Variants in NUS1 observed in about 807,000 individuals in gnomAD.
The protein encoded by NUS1 is dehydrodolichyl diphosphate synthase complex subunit NUS1.
For synonymous variants in NUS1, 135 were observed against 155.2 expected, an observed-to-expected ratio of 0.87 and a Z score of 0.97; for missense variants, 292 against 382.9, an observed-to-expected ratio of 0.76 and a Z score of 1.98.
intron 3 of NUS1, among the ~76,000 whole-genome samples, chr6:117,698,047 C>A (rs1337447609): frequency 6.6e-6 from 1 of 151,840 alleles, no homozygotes; most frequent in Non-Finnish European, 1.5e-5. Flanking sequence ...CAGTATGCTC[C>A]TGGATTACCA....
rs41291930 is a variant in NUS1, at chr6:117,703,503, C to T, written c.692-102C>T. On this transcript the variant is annotated intron_variant, in intron 3 of 4. Coordinates refer to ENST00000368494, the MANE Select transcript of NUS1 (RefSeq NM_138459.5). ...GAAGAAAACAGGTAGTTTAAAGAAC[C>T]AATTTGATTAATACATTTTGCCCAT... The T allele has an allele frequency of 3.3e-3, 2,841 of 856,484 alleles. 5 individuals are homozygous for T. Among genetic ancestry groups the T allele is most frequent in the Non-Finnish European group, 4.9e-3 (2,518 of 515,934 alleles). The allele number at this position is 856,484 out of a possible 1,614,324, so 53.1% of individuals were successfully genotyped here.
rs1772960680 is a variant in NUS1, at chr6:117,675,677, G to A, written c.7G>A (p.Gly3Arg). The A allele has an allele frequency of 2.7e-6, 4 of 1,473,192 alleles. No homozygotes were observed. The highest frequency in any genetic ancestry group is 3.7e-6 in the Non-Finnish European group (4 of 1,078,964). 91.3% of individuals were successfully genotyped at this position (1,473,192 alleles called of 1,614,324 possible). MTGLYELVWRVLH... is the reference protein window; with the variant it reads MTRLYELVWRVLH... ...GTCTGAGGGCCACAAGAGTATGACG[G>A]GGCTGTACGAGCTGGTGTGGCGGGT... Residue 3 changes from glycine to arginine, a missense_variant, in exon 1 of 5, where the codon GGG (glycine) becomes AGG (arginine). Transcript: ENST00000368494.
intron 1 of NUS1, among the ~76,000 whole-genome samples, chr6:117,681,739 T>C (rs1562175118): frequency 6.6e-6 from 1 of 152,236 alleles, no homozygotes; most frequent in South Asian, 2.1e-4. Flanking sequence ...CTTTGTGTAG[T>C]TGACTTTTTG....
Position 117,707,202 on chromosome 6 carries a change from T to C in NUS1, c.*187T>C, listed in dbSNP as rs1562184165. The stretch of plus-strand genomic sequence containing the variant: ...GTGTGTGCGTGTGCACGTGCACACA[T>C]GTGCACGTTTGTATGTATGGAAATA... On this transcript the variant is annotated 3_prime_UTR_variant, in exon 5 of 5. Transcript: ENST00000368494. 5 of 540,758 alleles carry C rather than the reference T, an allele frequency of 9.2e-6. No individual in the cohort carries two copies. Among genetic ancestry groups the C allele is most frequent in the Non-Finnish European group, 1.7e-5 (5 of 297,530 alleles). The allele number at this position is 540,758 out of a possible 1,614,324, so 33.5% of individuals were successfully genotyped here.
Position 117,710,531 on chromosome 6 carries a change from T to C in NUS1, c.*3516T>C, listed in dbSNP as rs1773560506. The C allele has an allele frequency of 6.6e-6, 1 of 152,162 alleles. No homozygotes were observed. Among genetic ancestry groups the C allele is most frequent in the Non-Finnish European group, 1.5e-5 (1 of 67,998 alleles). The allele number at this position is 152,162 out of a possible 1,614,324, so 9.4% of individuals were successfully genotyped here. A position where few individuals can be genotyped will look rare whatever the true frequency, so the allele number is the denominator to read the frequency against. On this transcript the variant is annotated 3_prime_UTR_variant, in exon 5 of 5. Transcript: ENST00000368494. ...AGAGAAACAAAGGAATGTAACCTTA[T>C]TGATTACATTTTTGGTGATCACCGA...
At chr6:117,699,853 T>C (rs1335872509) in intron 3 of NUS1, among the ~76,000 whole-genome samples, 1 of 151,900 alleles carries the variant, frequency 6.6e-6, no homozygotes, top group Non-Finnish European at 1.5e-5. Context: ...GACAAATGCA[T>C]ACATCTCCAG....
intron 3 of NUS1, among the ~76,000 whole-genome samples, chr6:117,694,983 G>T (rs902206218): frequency 1.3e-5 from 2 of 151,682 alleles, no homozygotes; most frequent in African/African-American, 2.4e-5. Context: ...TCGCTTGAGC[G>T]CAGGAGTTTG....
intron 1 of NUS1, among the ~76,000 whole-genome samples, chr6:117,677,491 G>A (rs1447743209): frequency 6.6e-6 from 1 of 152,076 alleles, no homozygotes; most frequent in Non-Finnish European, 1.5e-5. Flanking sequence ...TGGTATGAAG[G>A]GAAGAAAACA....
At position 117,676,074 on chromosome 6, in the gene NUS1, A is replaced by G. The variant is rs1157556675; in HGVS notation, c.404A>G (p.Tyr135Cys). Reference protein sequence around the residue: ...MAVGISYISVYDHQGIFKRNN... With the variant: ...MAVGISYISVCDHQGIFKRNN... ...GTGGGCATCTCCTACATTAGCGTCTACGACCACCAAGGTGAGGCCCGGTGC... is the reference window on the plus strand; with the variant it reads ...GTGGGCATCTCCTACATTAGCGTCTGCGACCACCAAGGTGAGGCCCGGTGC... The change falls in exon 1 of 5, where the codon TAC becomes TGC. Residue 135 changes from tyrosine (Y) to cysteine (C), a missense_variant. By Grantham distance (194) the Tyr-to-Cys change is radical (BLOSUM62 -2). Transcript: ENST00000368494. The G allele has an allele frequency of 4.5e-6, 7 of 1,550,740 alleles. No homozygotes were observed. Among genetic ancestry groups the G allele is most frequent in the Admixed American group, 3.9e-5 (2 of 51,074 alleles).
intron 1 of NUS1, among the ~76,000 whole-genome samples, chr6:117,683,022 A>T (rs936107510): frequency 6.6e-6 from 1 of 152,158 alleles, no homozygotes; most frequent in Non-Finnish European, 1.5e-5. Context: ...CACATTTTTT[A>T]AAAAACCAGC....
chr6:117,701,268 G>A lies in NUS1; in HGVS notation c.692-2337G>A, dbSNP rs144570762. ...TTCTTTTTTTTTTTTTTTTTGAGAT[G>A]GAGTCTCGCTCTGTCGCCCAGGCTG... On this transcript the variant is annotated intron_variant, in intron 3 of 4. Coordinates refer to ENST00000368494, the MANE Select transcript of NUS1 (RefSeq NM_138459.5). Among the ~76,000 whole-genome samples the A allele has an allele frequency of 6.8e-3, 934 of 136,792 alleles. 31 individuals are homozygous for A. Among genetic ancestry groups the A allele is most frequent in the East Asian group, 0.055 (236 of 4,280 alleles). 89.7% of individuals were successfully genotyped at this position (136,792 alleles called of 152,430 possible).
Position 117,675,752 on chromosome 6 carries a change from G to T in NUS1, c.82G>T (p.Val28Phe). 6.4e-7 allele frequency: 1 copy of T among 1,550,998 alleles called. No homozygotes were observed. The highest frequency in any genetic ancestry group is 1.2e-5 in the South Asian group (1 of 84,782). Residue 28 changes from valine to phenylalanine, a missense_variant, in exon 1 of 5, where the codon GTT becomes TTT. Transcript: ENST00000368494. ...LHRTLTSWLR[V>F]RFGTWNWIWR... ...CCGCACGCTCACCTCCTGGCTCCGC[G>T]TTCGGTTCGGCACCTGGAACTGGAT...
At chr6:117,700,017 A>G (rs1431914248) in intron 3 of NUS1, among the ~76,000 whole-genome samples, 2 of 152,182 alleles carry the variant, frequency 1.3e-5, no homozygotes, top group Non-Finnish European at 2.9e-5. Flanking sequence ...CAAAATGCAT[A>G]AAAGACTTAA....
chr6:117,681,517 A>C (rs1773061566), intron 1 of NUS1, among the ~76,000 whole-genome samples: 1 of 152,192 alleles, frequency 6.6e-6, no homozygotes. Context: ...AGTTTACCCT[A>C]GTTTACTTAG....
intron 3 of NUS1, among the ~76,000 whole-genome samples, chr6:117,697,901 A>G (rs1265708083): frequency 6.6e-6 from 1 of 152,142 alleles, no homozygotes; most frequent in African/African-American, 2.4e-5. Flanking sequence ...AAGAGACCAT[A>G]TGTTGGGCCA....
At chr6:117,694,871 A>G (rs1461844690) in intron 3 of NUS1, among the ~76,000 whole-genome samples, 1 of 152,042 alleles carries the variant, frequency 6.6e-6, no homozygotes, top group Non-Finnish European at 1.5e-5. Flanking sequence ...TTCATTTTTT[A>G]TTACTTAGAC....
chr6:117,693,740 A>G (rs2114687222), intron 2 of NUS1, among the ~76,000 whole-genome samples: 1 of 152,334 alleles, frequency 6.6e-6, no homozygotes, highest in African/African-American at 2.4e-5. Flanking sequence ...TAGCTAGCCT[A>G]TAAAGTTTCT....
Position 117,693,149 on chromosome 6 carries a change from A to C in NUS1, c.523A>C (p.Asn175His). ...ATACTCACCAGAATTTGCAAATAGTAATGACAAAGATGATCAAGGTAAGCA... is the reference window on the plus strand; with the variant it reads ...ATACTCACCAGAATTTGCAAATAGTCATGACAAAGATGATCAAGGTAAGCA... ...SKYSPEFANS[N>H]DKDDQVLNCH... Residue 175 changes from asparagine to histidine, a missense_variant, in exon 2 of 5, where the codon AAT (asparagine) becomes CAT (histidine). Transcript: ENST00000368494. The C allele has an allele frequency of 3.1e-6, 5 of 1,612,708 alleles. No individual in the cohort carries two copies. Among genetic ancestry groups the C allele is most frequent in the Non-Finnish European group, 4.2e-6 (5 of 1,179,064 alleles).
rs35549395 is a variant in NUS1, at chr6:117,701,025, AT to A, written c.692-2567del. ...TGTACAAAAAAAAAAATTGAATAAG[AT>A]TTTTTTTTTTTTCAAAGTTGTTGTG... On this transcript the variant is annotated intron_variant, in intron 3 of 4. Transcript: ENST00000368494. Among the ~76,000 whole-genome samples, 435 of 144,224 alleles carry A rather than the reference AT, an allele frequency of 3.0e-3. 3 individuals are homozygous for A. Among genetic ancestry groups the A allele is most frequent in the African/African-American group, 9.4e-3 (368 of 39,296 alleles). The allele number at this position is 144,224 out of a possible 152,430, so 94.6% of individuals were successfully genotyped here.
Sources: allele counts gnomAD v4.1 joint callset (sites outside exome capture counted in the v4.1 genomes callset), GRCh38; gene constraint gnomAD v4.1.1; transcripts MANE v1.5; gene names NCBI Gene and HGNC (gene_info 2026-07-23, HGNC 2026-07-21).